Variants in CDH13 observed in about 807,000 individuals in gnomAD.
CDH13 encodes cadherin 13.
In CDH13, 24 loss-of-function variants were observed where a neutral mutation model predicts 63.8. That is an observed-to-expected ratio of 0.38 (90% CI 0.27 to 0.53). The LOEUF (loss-of-function observed/expected upper bound fraction) is 0.53. Ranked by LOEUF, CDH13 falls within the 20% of genes least tolerant of loss-of-function variation. CDH13 has a pLI of 0.85. For missense variants in CDH13, 1,049 were observed against 903.1 expected (o/e 1.16, Z -2.07); for synonymous variants, 503 against 355.3 (o/e 1.42, Z -4.67).
chr16:83,026,744 A>T (rs907464969), intron 2 of CDH13, among the ~76,000 whole-genome samples: 21 of 152,172 alleles, frequency 1.4e-4, no homozygotes, highest in African/African-American at 4.8e-4. Context: ...GCACTCAGGG[A>T]CCACTCAATA....
intron 8 of CDH13, among the ~76,000 whole-genome samples, chr16:83,667,625 G>C (rs954888185): frequency 6.6e-6 from 1 of 152,104 alleles, no homozygotes. Context: ...AACTTTTAGG[G>C]TAAAATAAAT....
intron 6 of CDH13, 122 bp from the exon 7 acceptor site, chr16:83,486,355 C>T (rs12919249): frequency 1.5e-6 from 1 of 675,670 alleles, no homozygotes; most frequent in Non-Finnish European, 2.3e-6. Flanking sequence ...AAATACTTTT[C>T]TTTTTTAATT....
intron 3 of CDH13, among the ~76,000 whole-genome samples, chr16:83,033,031 G>A (rs1187602351): frequency 6.6e-6 from 1 of 152,098 alleles, no homozygotes; most frequent in South Asian, 2.1e-4. Flanking sequence ...GGTGCTGTAT[G>A]TGTATATGTT....
chr16:83,427,282 A>ACAGTG (rs148435324), intron 6 of CDH13, among the ~76,000 whole-genome samples: 5,952 of 152,076 alleles, frequency 0.039, 155 homozygotes, highest in East Asian at 0.12. Context: ...TGAGATGGAG[A>ACAGTG]CAGTGTTATT....
chr16:83,714,842 A>G (rs1462779973), intron 10 of CDH13, among the ~76,000 whole-genome samples: 13 of 152,150 alleles, frequency 8.5e-5, no homozygotes, highest in Admixed American at 8.5e-4. Flanking sequence ...TTCGATGAGA[A>G]TGGGTCTTTA....
At chr16:83,665,443 A>G (rs1913857440) in intron 8 of CDH13, among the ~76,000 whole-genome samples, 1 of 152,194 alleles carries the variant, frequency 6.6e-6, no homozygotes, top group African/African-American at 2.4e-5. Flanking sequence ...GCTACCCATT[A>G]GACTATTGGG....
At chr16:83,284,331 C>A (rs577669174) in intron 5 of CDH13, among the ~76,000 whole-genome samples, 11 of 152,214 alleles carry the variant, frequency 7.2e-5, no homozygotes, top group African/African-American at 2.4e-4. Context: ...TGACTTTGAG[C>A]AAATTGCCTG....
At chr16:83,395,420 C>T (rs187747008) in intron 6 of CDH13, among the ~76,000 whole-genome samples, 1 of 152,098 alleles carries the variant, frequency 6.6e-6, no homozygotes, top group African/African-American at 2.4e-5. Context: ...GTCATCCTGT[C>T]ATTTCCATCA....
At chr16:83,117,394 C>T (rs1196990791) in intron 3 of CDH13, among the ~76,000 whole-genome samples, 1 of 111,274 alleles carries the variant, frequency 9.0e-6, no homozygotes, top group Non-Finnish European at 2.0e-5. Context: ...CTTCCTCCAT[C>T]TTCCACTGCC....
intron 1 of CDH13, among the ~76,000 whole-genome samples, chr16:82,700,741 A>G (rs11860763): frequency 0.14 from 20,971 of 152,078 alleles, 2,598 homozygotes; most frequent in African/African-American, 0.34. Context: ...TTGCCCTCAC[A>G]AAGGATTTCA....
chr16:82,722,830 G>A (rs2032864768), intron 1 of CDH13, among the ~76,000 whole-genome samples: 1 of 152,102 alleles, frequency 6.6e-6, no homozygotes, highest in Non-Finnish European at 1.5e-5. Context: ...TTTTTCACGT[G>A]AGCCCACCTG....
intron 6 of CDH13, among the ~76,000 whole-genome samples, chr16:83,450,672 C>T (rs1328868649): frequency 6.6e-6 from 1 of 152,166 alleles, no homozygotes; most frequent in African/African-American, 2.4e-5. Context: ...AGATCGAGGC[C>T]ATCCTGGCTA....
At chr16:83,233,811 A>G (rs144154272) in intron 5 of CDH13, among the ~76,000 whole-genome samples, 219 of 152,182 alleles carry the variant, frequency 1.4e-3, no homozygotes, top group African/African-American at 5.1e-3. Context: ...CTTCTTTACC[A>G]TGTAACCTAA....
intron 1 of CDH13, among the ~76,000 whole-genome samples, chr16:82,798,055 G>A (rs753285986): frequency 6.6e-5 from 10 of 152,218 alleles, no homozygotes; most frequent in Non-Finnish European, 1.5e-4. Context: ...GCTCTGGGGT[G>A]AGAAAACTTT....
chr16:82,971,782 C>G (rs910435590), intron 2 of CDH13, among the ~76,000 whole-genome samples: 4 of 152,106 alleles, frequency 2.6e-5, no homozygotes, highest in East Asian at 1.9e-4. Flanking sequence ...GGATTGTTTC[C>G]CCTTAACTGC....
intron 6 of CDH13, among the ~76,000 whole-genome samples, chr16:83,356,824 G>C (rs1404073071): frequency 1.3e-5 from 2 of 152,090 alleles, no homozygotes; most frequent in African/African-American, 2.4e-5. Flanking sequence ...AAGTTTAATA[G>C]ACTTACAGCT....
intron 6 of CDH13, among the ~76,000 whole-genome samples, chr16:83,350,172 C>A (rs2090922511): frequency 6.6e-6 from 1 of 152,172 alleles, no homozygotes; most frequent in South Asian, 2.1e-4. Context: ...CCTCTTGAGG[C>A]CTCGGCCTTC....
chr16:83,303,196 C>T (rs978594262), intron 5 of CDH13, among the ~76,000 whole-genome samples: 7 of 152,206 alleles, frequency 4.6e-5, no homozygotes, highest in Admixed American at 2.0e-4. Flanking sequence ...TTCCCCTTCA[C>T]CTTCCGAAGG....
chr16:83,229,914 C>G (rs16959838), intron 5 of CDH13, among the ~76,000 whole-genome samples: 28,730 of 152,084 alleles, frequency 0.19, 3,376 homozygotes, highest in African/African-American at 0.33. Flanking sequence ...GAGTCGCATC[C>G]TCGTTAAATG....
Sources: allele counts gnomAD v4.1 joint callset (sites outside exome capture counted in the v4.1 genomes callset), GRCh38; gene constraint gnomAD v4.1.1; transcripts MANE v1.5; gene names NCBI Gene and HGNC (gene_info 2026-07-23, HGNC 2026-07-21).